EPHB1: variants seen among roughly 807,000 people sequenced by gnomAD.
The protein encoded by EPHB1 is ephrin type-B receptor 1.
In EPHB1, 30 loss-of-function variants were observed where a neutral mutation model predicts 94.4. The ratio of observed to expected loss-of-function variants is 0.32; its 90% CI spans 0.24 to 0.43. The LOEUF is 0.43. Among genes scored for constraint, EPHB1 ranks in the 20% least tolerant of loss-of-function variants. The pLI is 1.00. For synonymous variants in EPHB1, 522 were observed against 489.1 expected (o/e 1.07, Z -0.89); for missense variants, 1,055 against 1,308.3 (o/e 0.81, Z 2.99).
At chr3:134,950,195 C>T (rs187423045) in intron 2 of EPHB1, among the ~76,000 whole-genome samples, 23 of 152,308 alleles carry the variant, frequency 1.5e-4, no homozygotes, top group African/African-American at 5.1e-4. Context: ...CTCTTTTATT[C>T]CAATCTACAG....
rs1937248826 is a variant in EPHB1, at chr3:135,053,279, T to C, written c.806-53169T>C. Among the ~76,000 whole-genome samples, 3 of 151,898 alleles carry C rather than the reference T, an allele frequency of 2.0e-5. No individual in the cohort carries two copies. The South Asian group carries it at 6.2e-4, about 32-fold the overall frequency. ...ACTTGATCATCACACACTCTATGCA[T>C]CTAACAAAATATCATATGGAGCCCA... On this transcript the variant is annotated intron_variant, in intron 3 of 15. Coordinates refer to ENST00000398015, the MANE Select transcript of EPHB1 (RefSeq NM_004441.5).
At chr3:135,058,875 G>A (rs1235164885) in intron 3 of EPHB1, among the ~76,000 whole-genome samples, 3 of 152,154 alleles carry the variant, frequency 2.0e-5, no homozygotes, top group Non-Finnish European at 4.4e-5. Context: ...TACTTTTTAA[G>A]TCACCAATGG....
At chr3:135,221,933 A>C (rs1219489073) in intron 12 of EPHB1, among the ~76,000 whole-genome samples, 1 of 152,236 alleles carries the variant, frequency 6.6e-6, no homozygotes, top group African/African-American at 2.4e-5. Flanking sequence ...AATTATTTCA[A>C]GAATACATGA....
At chr3:134,894,791 T>C (rs1284470987) in intron 1 of EPHB1, among the ~76,000 whole-genome samples, 1 of 152,252 alleles carries the variant, frequency 6.6e-6, no homozygotes, top group South Asian at 2.1e-4. Context: ...TGGTCACCTC[T>C]GATCTGCAGA....
intron 9 of EPHB1, among the ~76,000 whole-genome samples, chr3:135,169,337 G>A (rs183350259): frequency 1.5e-4 from 23 of 152,228 alleles, no homozygotes; most frequent in Middle Eastern, 3.4e-3. Flanking sequence ...TTGTGGGTCT[G>A]GGTTCACTCC....
At chr3:135,217,585 C>G (rs114818033) in intron 12 of EPHB1, among the ~76,000 whole-genome samples, 7 of 152,052 alleles carry the variant, frequency 4.6e-5, no homozygotes, top group Non-Finnish European at 1.0e-4. Context: ...CAGAACTATA[C>G]GCAATCACCC....
chr3:135,105,615 C>T (rs1939186294), intron 3 of EPHB1, among the ~76,000 whole-genome samples: 1 of 152,158 alleles, frequency 6.6e-6, no homozygotes, highest in South Asian at 2.1e-4. Context: ...GAGAATGACT[C>T]ATTATAGGCT....
At chr3:134,860,174 C>CACACACACACACACACACAG (rs2037222820) in intron 1 of EPHB1, among the ~76,000 whole-genome samples, 1 of 113,464 alleles carries the variant, frequency 8.8e-6, no homozygotes, top group East Asian at 2.2e-4. Context: ...CACACACAGA[C>CACACACACACACACACACAG]ACACACACAC....
intron 3 of EPHB1, among the ~76,000 whole-genome samples, chr3:135,095,494 C>A (rs1233408739): frequency 6.6e-6 from 1 of 152,188 alleles, no homozygotes; most frequent in East Asian, 1.9e-4. Flanking sequence ...TCCTCCAGTC[C>A]ATTCATTTCC....
intron 1 of EPHB1, among the ~76,000 whole-genome samples, chr3:134,800,490 A>G (rs7627763): frequency 0.99 from 151,256 of 152,270 alleles, 75,130 homozygotes; most frequent in Middle Eastern, 1. Flanking sequence ...CAGGTAGTAT[A>G]TTACCTGGGC....
chr3:134,970,622 T>A (rs977517846), intron 3 of EPHB1, among the ~76,000 whole-genome samples: 2 of 152,198 alleles, frequency 1.3e-5, no homozygotes, highest in African/African-American at 4.8e-5. Flanking sequence ...GGAAAGGATC[T>A]GCTTGTTAAC....
At chr3:134,837,406 T>C (rs1157508784) in intron 1 of EPHB1, among the ~76,000 whole-genome samples, 1 of 152,252 alleles carries the variant, frequency 6.6e-6, no homozygotes, top group Non-Finnish European at 1.5e-5. Flanking sequence ...AATCCTTGAT[T>C]GTCATCCTGC....
intron 3 of EPHB1, among the ~76,000 whole-genome samples, chr3:135,052,637 G>A (rs1242124974): frequency 1.6e-4 from 24 of 151,088 alleles, no homozygotes; most frequent in African/African-American, 5.1e-4. Context: ...CGAGGCGGGC[G>A]GATCACGAGG....
intron 14 of EPHB1, among the ~76,000 whole-genome samples, 181 bp from the exon 15 acceptor site, chr3:135,249,155 G>C (rs1291695854): frequency 1.3e-5 from 2 of 152,170 alleles, no homozygotes; most frequent in Non-Finnish European, 2.9e-5. Flanking sequence ...CTGGCCACCT[G>C]GATGTAGAAG....
At chr3:134,865,790 T>C (rs2037363791) in intron 1 of EPHB1, among the ~76,000 whole-genome samples, 1 of 152,216 alleles carries the variant, frequency 6.6e-6, no homozygotes, top group African/African-American at 2.4e-5. Flanking sequence ...AAAAAGCTAG[T>C]AATTAAGACT....
intron 1 of EPHB1, among the ~76,000 whole-genome samples, chr3:134,889,970 A>C (rs2037943402): frequency 6.6e-6 from 1 of 152,190 alleles, no homozygotes; most frequent in Non-Finnish European, 1.5e-5. Flanking sequence ...AAATGATTTA[A>C]AAATGTTTCA....
intron 3 of EPHB1, chr3:135,067,464 G>A (rs1937595790): frequency 6.6e-6 from 1 of 152,266 alleles, no homozygotes; most frequent in Admixed American, 6.5e-5. Context: ...CAGGTTGTCA[G>A]GGAAGTGGGG....
chr3:135,124,371 C>T (rs552976701), intron 4 of EPHB1, among the ~76,000 whole-genome samples: 23 of 151,830 alleles, frequency 1.5e-4, no homozygotes, highest in South Asian at 4.1e-4. Flanking sequence ...CATTTATCTA[C>T]GTATTGAAAT....
At chr3:135,041,905 G>C (rs1486200096) in intron 3 of EPHB1, among the ~76,000 whole-genome samples, 1 of 151,994 alleles carries the variant, frequency 6.6e-6, no homozygotes, top group Non-Finnish European at 1.5e-5. Flanking sequence ...GAGACAGAGA[G>C]CACACAAAAG....
Sources: allele counts gnomAD v4.1 joint callset (sites outside exome capture counted in the v4.1 genomes callset), GRCh38; gene constraint gnomAD v4.1.1; transcripts MANE v1.5; gene names NCBI Gene and HGNC (gene_info 2026-07-23, HGNC 2026-07-21).